Variants in TNFAIP8 observed in about 807,000 individuals in gnomAD.
TNFAIP8 encodes the protein tumor necrosis factor alpha-induced protein 8.
Under a neutral mutation model 13.3 loss-of-function variants are expected in TNFAIP8, and 7 were observed. That is an observed-to-expected ratio of 0.52 (90% CI 0.30 to 0.99). The LOEUF is 0.99. Among genes scored for constraint, TNFAIP8 ranks in the 50% least tolerant of loss-of-function variants. The pLI, the probability that TNFAIP8 is intolerant of heterozygous loss-of-function variation, is 0.07. For missense variants in TNFAIP8, 258 were observed against 236.9 expected (o/e 1.09, Z -0.58); for synonymous variants, 94 against 87.6 (o/e 1.07, Z -0.41).
intron 1 of TNFAIP8, among the ~76,000 whole-genome samples, chr5:119,338,364 A>C (rs541882840): frequency 1.3e-5 from 2 of 152,204 alleles, no homozygotes; most frequent in Non-Finnish European, 2.9e-5. Context: ...TGAGTCGGAG[A>C]GGAAGATCAG....
chr5:119,372,812 T>G (rs1323731968), intron 1 of TNFAIP8, among the ~76,000 whole-genome samples: 1 of 151,928 alleles, frequency 6.6e-6, no homozygotes, highest in African/African-American at 2.4e-5. Context: ...TATACACAAA[T>G]TAGCCAGGCA....
intron 1 of TNFAIP8, among the ~76,000 whole-genome samples, chr5:119,319,649 C>T (rs1749996695): frequency 1.3e-5 from 2 of 152,176 alleles, no homozygotes; most frequent in African/African-American, 2.4e-5. Context: ...CCTGGAACCT[C>T]TCTGGTTTCT....
At chr5:119,348,907 A>AAAT (rs70982474) in intron 1 of TNFAIP8, among the ~76,000 whole-genome samples, 1 of 135,686 alleles carries the variant, frequency 7.4e-6, no homozygotes, top group Non-Finnish European at 1.6e-5. Context: ...AAAAAAAAAA[A>AAAT]GAATAGACAA....
chr5:119,391,833 T>C (rs1402417931), intron 1 of TNFAIP8, among the ~76,000 whole-genome samples: 2 of 151,702 alleles, frequency 1.3e-5, no homozygotes, highest in Non-Finnish European at 2.9e-5. Context: ...GTAAACTTGG[T>C]TTGGAGAATA....
At chr5:119,301,696 G>A (rs1012630226) in intron 1 of TNFAIP8, among the ~76,000 whole-genome samples, 1 of 152,028 alleles carries the variant, frequency 6.6e-6, no homozygotes, top group African/African-American at 2.4e-5. Context: ...CTTAAAGATA[G>A]AAAATAAAAA....
chr5:119,389,740 TAA>T (rs1018410749), intron 1 of TNFAIP8, among the ~76,000 whole-genome samples: 6 of 152,156 alleles, frequency 3.9e-5, no homozygotes, highest in Non-Finnish European at 5.9e-5. Flanking sequence ...CAACCTCATT[TAA>T]AAAGACGACT....
upstream of TNFAIP8, chr5:119,355,162 G>A (rs1165702094): frequency 1.3e-5 from 8 of 630,034 alleles, no homozygotes; most frequent in African/African-American, 3.7e-5. Context: ...AAGGCTGTCC[G>A]GCTTCTTTAT....
At position 119,373,549 on chromosome 5, in the gene TNFAIP8, C is replaced by A. The variant is rs189639902; in HGVS notation, c.31+17428C>A. Among the ~76,000 whole-genome samples, 34 of 152,246 alleles carry A rather than the reference C, an allele frequency of 2.2e-4. No homozygotes were observed. The East Asian group carries it at 6.2e-3, about 28-fold the overall frequency. Reference sequence around the variant, plus strand: ...GTAGTTTTCAGTCTAGAGGAGTTAACATGCATACAAGAAAGTACATATTAC... The same window carrying A: ...GTAGTTTTCAGTCTAGAGGAGTTAAAATGCATACAAGAAAGTACATATTAC... On this transcript the variant is annotated intron_variant, in intron 1 of 1. Coordinates refer to ENST00000504771, the MANE Select transcript of TNFAIP8 (RefSeq NM_014350.4).
chr5:119,352,265 T>C (rs985239938), upstream of TNFAIP8, among the ~76,000 whole-genome samples: 1 of 152,128 alleles, frequency 6.6e-6, no homozygotes, highest in African/African-American at 2.4e-5. Flanking sequence ...GACACAGATC[T>C]CTCCCGCATA....
chr5:119,353,662 G>A (rs1214570242), upstream of TNFAIP8, among the ~76,000 whole-genome samples: 2 of 150,636 alleles, frequency 1.3e-5, no homozygotes, highest in African/African-American at 5.0e-5. Context: ...AAGGCTGACG[G>A]AGCGCTTGAA....
At chr5:119,376,217 A>G (rs1036366689) in intron 1 of TNFAIP8, among the ~76,000 whole-genome samples, 17 of 151,846 alleles carry the variant, frequency 1.1e-4, no homozygotes, top group African/African-American at 3.1e-4. Context: ...CGGCTTCAAG[A>G]GATTCTCCCA....
At chr5:119,339,468 T>G (rs1047311711) in intron 1 of TNFAIP8, among the ~76,000 whole-genome samples, 13 of 151,396 alleles carry the variant, frequency 8.6e-5, no homozygotes, top group East Asian at 1.9e-4. Flanking sequence ...TTTTTTTTTT[T>G]TTTTTTTTTT....
chr5:119,288,460 A>G (rs1034934731), intron 1 of TNFAIP8, among the ~76,000 whole-genome samples: 6 of 152,250 alleles, frequency 3.9e-5, no homozygotes, highest in Non-Finnish European at 7.3e-5. Flanking sequence ...TGATGTTTGC[A>G]GCACAATCAA....
upstream of TNFAIP8, among the ~76,000 whole-genome samples, chr5:119,353,654 G>A (rs1357297502): frequency 6.6e-6 from 1 of 152,194 alleles, no homozygotes; most frequent in African/African-American, 2.4e-5. Flanking sequence ...TGAATTATAA[G>A]GCTGACGGAG....
At chr5:119,304,164 G>C (rs953771663) in intron 1 of TNFAIP8, among the ~76,000 whole-genome samples, 25 of 151,708 alleles carry the variant, frequency 1.6e-4, no homozygotes, top group South Asian at 4.2e-4. Context: ...TGTTGCCCAG[G>C]CTGGAGTGTA....
chr5:119,287,431 A>G (rs1025462597), intron 1 of TNFAIP8, among the ~76,000 whole-genome samples: 2 of 152,160 alleles, frequency 1.3e-5, no homozygotes, highest in Non-Finnish European at 2.9e-5. Context: ...TTCATCACAC[A>G]TAGTTACCGT....
intron 1 of TNFAIP8, among the ~76,000 whole-genome samples, chr5:119,387,107 C>CCGAG (rs1752711957): frequency 6.6e-6 from 1 of 152,132 alleles, no homozygotes; most frequent in African/African-American, 2.4e-5. Flanking sequence ...ACTAGCTACT[C>CCGAG]CGAGCGTTCA....
chr5:119,268,770 T>A, exon 1 of TNFAIP8: 1 of 670,736 alleles, frequency 1.5e-6, no homozygotes, highest in South Asian at 1.5e-5. Context: ...TCTGCCTCCT[T>A]TTCTCCCGCC....
chr5:119,341,807 A>T (rs1210767196), intron 1 of TNFAIP8, among the ~76,000 whole-genome samples: 2 of 152,210 alleles, frequency 1.3e-5, no homozygotes, highest in African/African-American at 4.8e-5. Flanking sequence ...ATTTAAAAAA[A>T]TTTGCATCAC....
Sources: allele counts gnomAD v4.1 joint callset (sites outside exome capture counted in the v4.1 genomes callset), GRCh38; gene constraint gnomAD v4.1.1; transcripts MANE v1.5; gene names NCBI Gene and HGNC (gene_info 2026-07-23, HGNC 2026-07-21).